SESN3: variants seen among roughly 807,000 people sequenced by gnomAD.
SESN3 encodes the protein sestrin 3, also known as sestrin-3.
SESN3 carries 21 observed loss-of-function variants against 55.3 expected under a neutral mutation model. The ratio of observed to expected loss-of-function variants is 0.38; its 90% CI spans 0.27 to 0.55. The LOEUF is 0.55. Among genes scored for constraint, SESN3 ranks in the 20% least tolerant of loss-of-function variants. SESN3 has a pLI of 0.76. For missense variants in SESN3, 408 were observed against 604.3 expected, an observed-to-expected ratio of 0.68 and a Z score of 3.41; for synonymous variants, 181 against 203.1, an observed-to-expected ratio of 0.89 and a Z score of 0.93.
rs967461568 is a variant in SESN3 at position 95,189,719 on chromosome 11, C to T, written c.525+60G>A. ...ATTTATGTTCCAAGTTCCTAATATACACATATTTAAAATTAAGTCCTAAGC... is the reference window on the plus strand; with the variant it reads ...ATTTATGTTCCAAGTTCCTAATATATACATATTTAAAATTAAGTCCTAAGC... On this transcript the variant is annotated intron_variant, in intron 4 of 9. Transcript: ENST00000536441. 27 of 1,187,758 alleles carry T rather than the reference C, an allele frequency of 2.3e-5. No homozygotes were observed. The African/African-American group carries it at 3.4e-4, about 15-fold the overall frequency. 73.6% of individuals were successfully genotyped at this position (1,187,758 alleles called of 1,614,324 possible).
chr11:95,179,868 G>A lies in SESN3; in HGVS notation c.938-1040C>T, dbSNP rs1860028414. Among the ~76,000 whole-genome samples, 3 of 152,014 alleles carry A rather than the reference G, an allele frequency of 2.0e-5. No individual in the cohort carries two copies. The South Asian group carries it at 6.2e-4, about 32-fold the overall frequency. On this transcript the variant is annotated intron_variant, in intron 6 of 9. Transcript: ENST00000536441. ...AAAGTGGCATTCAGGAAGATAGCAAGGCAATAATAATATTTTAAGAAAACT... is the reference window on the plus strand; with the variant it reads ...AAAGTGGCATTCAGGAAGATAGCAAAGCAATAATAATATTTTAAGAAAACT...
chr11:95,229,414 T>G (rs1861008922), intron 1 of SESN3, among the ~76,000 whole-genome samples: 1 of 152,150 alleles, frequency 6.6e-6, no homozygotes, highest in African/African-American at 2.4e-5. Flanking sequence ...AAAATCTGTT[T>G]CAAGAGAAAC....
intron 1 of SESN3, among the ~76,000 whole-genome samples, chr11:95,229,450 A>T (rs895195013): frequency 2.0e-5 from 3 of 152,186 alleles, no homozygotes; most frequent in African/African-American, 7.2e-5. Context: ...AATTTAAGGC[A>T]TATTTAACTG....
At chr11:95,217,788 C>T (rs1367160236) in intron 1 of SESN3, among the ~76,000 whole-genome samples, 2 of 151,986 alleles carry the variant, frequency 1.3e-5, no homozygotes, top group Non-Finnish European at 2.9e-5. Flanking sequence ...AACCATGGAA[C>T]GCATCATATA....
At chr11:95,175,287 C>T (rs1167523973) in intron 9 of SESN3, among the ~76,000 whole-genome samples, 2 of 152,108 alleles carry the variant, frequency 1.3e-5, no homozygotes, top group African/African-American at 4.8e-5. Context: ...TCACTTGAAC[C>T]CGGGAAGTGG....
chr11:95,185,593 ATAAAACT>A (rs1860148013), intron 4 of SESN3, 101 bp from the exon 5 acceptor site: 5 of 759,536 alleles, frequency 6.6e-6, no homozygotes, highest in Non-Finnish European at 1.1e-5. Context: ...ACTTAGAGTA[ATAAAACT>A]TAAAACTCTC....
At chr11:95,200,276 A>G (rs1860437664) in intron 1 of SESN3, among the ~76,000 whole-genome samples, 1 of 152,128 alleles carries the variant, frequency 6.6e-6, no homozygotes, top group South Asian at 2.1e-4. Flanking sequence ...GTACTTTTAC[A>G]GTAAACTTAA....
intron 1 of SESN3, among the ~76,000 whole-genome samples, chr11:95,224,021 A>G (rs1860906194): frequency 6.6e-6 from 1 of 152,232 alleles, no homozygotes; most frequent in African/African-American, 2.4e-5. Context: ...CCAAAACATA[A>G]AAAGTGAGAA....
Position 95,175,482 on chromosome 11 carries a change from A to G in SESN3, c.1392+16T>C. On this transcript the variant is annotated intron_variant, in intron 9 of 9. Coordinates refer to ENST00000536441, the MANE Select transcript of SESN3 (RefSeq NM_144665.4). ...AGAACTGTCTATGGTATAATGCTTA[A>G]TACTGAAACACGTACTTTTTCTGAG... The G allele has an allele frequency of 6.2e-7, 1 of 1,609,346 alleles. No individual in the cohort carries two copies. Among genetic ancestry groups the G allele is most frequent in the Non-Finnish European group, 8.5e-7 (1 of 1,175,822 alleles).
At chr11:95,211,894 G>T (rs1247587897) in intron 1 of SESN3, among the ~76,000 whole-genome samples, 3 of 152,134 alleles carry the variant, frequency 2.0e-5, no homozygotes, top group Non-Finnish European at 4.4e-5. Flanking sequence ...AATAGGCTGG[G>T]TTTAGAAAAC....
In SESN3 at chr11:95,230,426, A is replaced by G. The variant is rs978565409; in HGVS notation, c.78+357T>C. The G allele has an allele frequency of 3.6e-5, 8 of 223,050 alleles. No homozygotes were observed. The highest frequency in any genetic ancestry group is 3.0e-4 in the Admixed American group (5 of 16,878). 13.8% of individuals were successfully genotyped at this position (223,050 alleles called of 1,614,324 possible). A position where few individuals can be genotyped will look rare whatever the true frequency, so the allele number is the denominator to read the frequency against. ...CACACCGACCTCCATCAACAGCTAA[A>G]CTGCACAGGGAGGAGGATCGAACGG... is the stretch of plus-strand genomic sequence containing the variant. On this transcript the variant is annotated intron_variant, in intron 1 of 9. Transcript: ENST00000536441. This position sits in a 1 kb window ranked among gnomAD's most constrained non-coding sequence, Gnocchi z 4.6.
Position 95,172,775 on chromosome 11 carries a change from A to G in SESN3, c.*480T>C, listed in dbSNP as rs1420020863. ...GTTCAACAGCGCATGCTTTTCCTCCACCAGATTTAGGACACAACATTAAAG... is the reference window on the plus strand; with the variant it reads ...GTTCAACAGCGCATGCTTTTCCTCCGCCAGATTTAGGACACAACATTAAAG... On this transcript the variant is annotated 3_prime_UTR_variant, in exon 10 of 10. Coordinates refer to ENST00000536441, the MANE Select transcript of SESN3 (RefSeq NM_144665.4). 1 of 152,508 alleles carries G rather than the reference A, an allele frequency of 6.6e-6. No homozygotes were observed. Among genetic ancestry groups the G allele is most frequent in the African/African-American group, 2.4e-5 (1 of 41,416 alleles). 9.4% of individuals were successfully genotyped at this position (152,508 alleles called of 1,614,324 possible).
At chr11:95,210,592 T>A (rs1037847050) in intron 1 of SESN3, among the ~76,000 whole-genome samples, 3 of 152,232 alleles carry the variant, frequency 2.0e-5, no homozygotes, top group Non-Finnish European at 4.4e-5. Flanking sequence ...TTCACTGATA[T>A]GCTCAAATCA....
chr11:95,198,741 T>C (rs1860409328), intron 1 of SESN3, among the ~76,000 whole-genome samples: 1 of 152,172 alleles, frequency 6.6e-6, no homozygotes, highest in African/African-American at 2.4e-5. Context: ...TAGCCACATG[T>C]CAAGTGTTTA....
At chr11:95,226,312 A>G (rs1239251688) in intron 1 of SESN3, among the ~76,000 whole-genome samples, 2 of 152,198 alleles carry the variant, frequency 1.3e-5, no homozygotes, top group Non-Finnish European at 1.5e-5. Flanking sequence ...AATTATCAAC[A>G]TTTTACAGAG....
In SESN3 at chr11:95,166,199, C is replaced by G. The variant is rs933049721; in HGVS notation, c.*7056G>C. On this transcript the variant is annotated 3_prime_UTR_variant, in exon 10 of 10. Coordinates refer to ENST00000536441, the MANE Select transcript of SESN3 (RefSeq NM_144665.4). Reference sequence around the variant, plus strand: ...ATTTAAAACCTTATAGAGTAAGAGACTGATATATATAGCAGTCTTAAAGAT... The same window carrying G: ...ATTTAAAACCTTATAGAGTAAGAGAGTGATATATATAGCAGTCTTAAAGAT... The G allele has an allele frequency of 6.6e-6, 1 of 151,444 alleles. No individual in the cohort carries two copies. Among genetic ancestry groups the G allele is most frequent in the Non-Finnish European group, 1.5e-5 (1 of 67,966 alleles). 9.4% of individuals were successfully genotyped at this position (151,444 alleles called of 1,614,324 possible).
At chr11:95,212,690 T>C (rs1264600564) in intron 1 of SESN3, among the ~76,000 whole-genome samples, 4 of 152,190 alleles carry the variant, frequency 2.6e-5, no homozygotes, top group Admixed American at 2.0e-4. Context: ...AAGAGAATGA[T>C]TGATATGACA....
intron 9 of SESN3, 126 bp downstream of exon 9, chr11:95,175,372 T>C (rs1383062116): frequency 2.4e-6 from 2 of 830,248 alleles, no homozygotes; most frequent in South Asian, 2.2e-5. Context: ...CCCAGATAGC[T>C]AGATGATGCC....
In SESN3 at chr11:95,231,164, G is replaced by T; in HGVS notation, c.-304C>A. ...CAGGCTAGGACGAGCAGCCGCCACC[G>T]CTGCCACCGCCACCACCGCCGCCGC... is the stretch of plus-strand genomic sequence containing the variant. On this transcript the variant is annotated 5_prime_UTR_variant, in exon 1 of 10. Transcript: ENST00000536441. 2 of 245,640 alleles carry T rather than the reference G, an allele frequency of 8.1e-6. No individual in the cohort carries two copies. The highest frequency in any genetic ancestry group is 1.4e-5 in the Non-Finnish European group (2 of 141,912). The allele number at this position is 245,640 out of a possible 1,614,324, so 15.2% of individuals were successfully genotyped here. A position where few individuals can be genotyped will look rare whatever the true frequency, so the allele number is the denominator to read the frequency against.
Sources: allele counts gnomAD v4.1 joint callset (sites outside exome capture counted in the v4.1 genomes callset), GRCh38; gene constraint gnomAD v4.1.1; non-coding constraint Gnocchi (gnomAD v3.1); transcripts MANE v1.5; gene names NCBI Gene and HGNC (gene_info 2026-07-23, HGNC 2026-07-21).